The following CCNH variants were observed in gnomAD, a reference collection of about 807,000 sequenced individuals.
CCNH encodes the protein cyclin-H.
CCNH carries 31 observed loss-of-function variants against 41.9 expected under a neutral mutation model. The observed-to-expected ratio is 0.74, with a 90% CI of 0.56 to 1.00. The LOEUF (loss-of-function observed/expected upper bound fraction) is 1.00, where lower values mean the gene tolerates loss of function less well. Among genes scored for constraint, CCNH ranks in the 50% least tolerant of loss-of-function variants. The pLI is 0.00. For missense variants in CCNH, 362 were observed against 388.4 expected, an observed-to-expected ratio of 0.93 and a Z score of 0.57; for synonymous variants, 138 against 136.1, an observed-to-expected ratio of 1.01 and a Z score of -0.10.
At chr5:87,361,435 T>A (rs182965291) in intron 9 of CCNH, among the ~76,000 whole-genome samples, 1 of 152,280 alleles carries the variant, frequency 6.6e-6, no homozygotes, top group East Asian at 1.9e-4. Context: ...TCCCACAGCA[T>A]AACTTAGATT....
chr5:87,356,262 T>C (rs1759641056), intron 9 of CCNH, among the ~76,000 whole-genome samples: 1 of 152,030 alleles, frequency 6.6e-6, no homozygotes, highest in Non-Finnish European at 1.5e-5. Context: ...TTTTAAGAAA[T>C]TGCCACAACC....
At position 87,399,522 on chromosome 5, in the gene CCNH, A is replaced by G. The variant is rs2112556870; in HGVS notation, c.761-17T>C. On this transcript the variant is annotated splice_polypyrimidine_tract_variant and intron_variant, in intron 6 of 8. Coordinates refer to ENST00000256897, the MANE Select transcript of CCNH (RefSeq NM_001239.4). ...TTCTCATGCCTATGTGGATACAAAA[A>G]AAGAATTTAAACTGAATAAGCAAAC... The G allele has an allele frequency of 6.5e-7, 1 of 1,538,726 alleles. No individual in the cohort carries two copies. Among genetic ancestry groups the G allele is most frequent in the African/African-American group, 1.4e-5 (1 of 73,772 alleles).
At chr5:87,372,243 C>A, downstream of CCNH, 1 of 1,524,752 alleles carries the variant, frequency 6.6e-7, no homozygotes, top group Non-Finnish European at 9.1e-7. Flanking sequence ...TTTGCTCTAA[C>A]ACTTTGCTCT....
At chr5:87,345,966 T>TAAA (rs1758829906) in intron 9 of CCNH, among the ~76,000 whole-genome samples, 1 of 152,136 alleles carries the variant, frequency 6.6e-6, no homozygotes, top group Non-Finnish European at 1.5e-5. Flanking sequence ...AATTACTTTT[T>TAAA]AAATCAGATA....
At chr5:87,391,047 A>G (rs112969290), downstream of CCNH, 195 of 732,606 alleles carry the variant, frequency 2.7e-4, no homozygotes, top group African/African-American at 2.9e-3. Flanking sequence ...GTGAATAACT[A>G]TGCCAGCAAC....
intron 5 of CCNH, among the ~76,000 whole-genome samples, chr5:87,403,918 T>C (rs1763603518): frequency 1.3e-5 from 2 of 152,216 alleles, no homozygotes; most frequent in African/African-American, 4.8e-5. Flanking sequence ...GTACAGTGCA[T>C]AGTAGTACAT....
chr5:87,335,687 A>G (rs1447492144), intron 9 of CCNH, among the ~76,000 whole-genome samples: 1 of 152,106 alleles, frequency 6.6e-6, no homozygotes, highest in Admixed American at 6.5e-5. Flanking sequence ...TGGCCTCCCA[A>G]AGTGCTGGGA....
intron 9 of CCNH, chr5:87,332,648 T>C: frequency 6.2e-7 from 1 of 1,604,516 alleles, no homozygotes; most frequent in Non-Finnish European, 8.5e-7. Flanking sequence ...CAGAGGCAAG[T>C]AAAATGAATA....
At chr5:87,350,078 ACAG>A (rs1483202183) in intron 9 of CCNH, among the ~76,000 whole-genome samples, 7 of 151,882 alleles carry the variant, frequency 4.6e-5, no homozygotes, top group Non-Finnish European at 1.0e-4. Flanking sequence ...CCTCAGTACC[ACAG>A]CAGTATTCTC....
chr5:87,339,832 A>G (rs935937815), intron 9 of CCNH, among the ~76,000 whole-genome samples: 3 of 152,160 alleles, frequency 2.0e-5, no homozygotes, highest in African/African-American at 7.2e-5. Flanking sequence ...AATAACTTTC[A>G]TGATGGGCTT....
downstream of CCNH, chr5:87,392,560 G>A (rs768915697): frequency 5.9e-6 from 2 of 339,346 alleles, no homozygotes; most frequent in Admixed American, 8.0e-5. Context: ...TTACATGATA[G>A]AAGACAGGGA....
chr5:87,320,079 C>T (rs1023920957), intron 9 of CCNH, among the ~76,000 whole-genome samples: 5 of 152,184 alleles, frequency 3.3e-5, no homozygotes, highest in African/African-American at 9.7e-5. Context: ...CCAGTCTCTG[C>T]TAAATCATAG....
chr5:87,382,715 T>C (rs1340253812), intron 9 of CCNH, among the ~76,000 whole-genome samples: 2 of 152,158 alleles, frequency 1.3e-5, no homozygotes, highest in Non-Finnish European at 2.9e-5. Context: ...CAGCTGTTAG[T>C]ATAATTTTTG....
At chr5:87,341,054 T>C (rs1425757590) in intron 9 of CCNH, among the ~76,000 whole-genome samples, 1 of 151,952 alleles carries the variant, frequency 6.6e-6, no homozygotes, top group Non-Finnish European at 1.5e-5. Flanking sequence ...CATAATTATA[T>C]TAGTTGGGCT....
At chr5:87,353,964 C>G (rs1468426531) in intron 9 of CCNH, among the ~76,000 whole-genome samples, 1 of 152,144 alleles carries the variant, frequency 6.6e-6, no homozygotes, top group East Asian at 1.9e-4. Flanking sequence ...TAATAATTTT[C>G]CTAAGTGGAA....
chr5:87,378,253 T>C (rs1761457336), upstream of CCNH: 1 of 862,366 alleles, frequency 1.2e-6, no homozygotes, highest in Admixed American at 2.0e-5. Flanking sequence ...GATGTCATTG[T>C]AATTAGTACT....
intron 9 of CCNH, chr5:87,338,195 A>G (rs1302466032): frequency 4.5e-6 from 7 of 1,546,312 alleles, no homozygotes; most frequent in East Asian, 4.6e-5. Flanking sequence ...TTCTTTTATA[A>G]AAGAACTTAA....
At chr5:87,394,104 T>TAAC, downstream of CCNH, 1 of 276,372 alleles carries the variant, frequency 3.6e-6, no homozygotes, top group Non-Finnish European at 5.9e-6. Context: ...ACACATTCCT[T>TAAC]AACACTTTTA....
chr5:87,338,971 T>C (rs1758243462), intron 9 of CCNH, among the ~76,000 whole-genome samples: 1 of 152,178 alleles, frequency 6.6e-6, no homozygotes, highest in South Asian at 2.1e-4. Context: ...TGAATGGCTT[T>C]TATATTTCAG....
Sources: allele counts gnomAD v4.1 joint callset (sites outside exome capture counted in the v4.1 genomes callset), GRCh38; gene constraint gnomAD v4.1.1; transcripts MANE v1.5; gene names NCBI Gene and HGNC (gene_info 2026-07-23, HGNC 2026-07-21).